Variants in ATXN7L1 observed in about 807,000 individuals in gnomAD.
ATXN7L1 encodes the protein ataxin-7-like protein 1.
Under a neutral mutation model 70.8 loss-of-function variants are expected in ATXN7L1, and 15 were observed. The ratio of observed to expected loss-of-function variants is 0.21; its 90% confidence interval spans 0.14 to 0.33. The LOEUF (loss-of-function observed/expected upper bound fraction) is 0.33. Ranked by LOEUF, ATXN7L1 falls within the 10% of genes least tolerant of loss-of-function variation. The pLI, the probability that ATXN7L1 is intolerant of heterozygous loss-of-function variation, is 1.00. For synonymous variants in ATXN7L1, 440 were observed against 445.1 expected, an observed-to-expected ratio of 0.99 and a Z score of 0.14; for missense variants, 975 against 1,097.1, an observed-to-expected ratio of 0.89 and a Z score of 1.57.
intron 3 of ATXN7L1, among the ~76,000 whole-genome samples, chr7:105,683,847 G>A (rs1399120957): frequency 6.6e-6 from 1 of 152,132 alleles, no homozygotes; most frequent in Non-Finnish European, 1.5e-5. Context: ...GTTCATCCCT[G>A]ATACAGCCGC....
At chr7:105,822,084 A>C (rs898542642) in intron 2 of ATXN7L1, among the ~76,000 whole-genome samples, 1 of 152,138 alleles carries the variant, frequency 6.6e-6, no homozygotes, top group African/African-American at 2.4e-5. Context: ...GACACACTGA[A>C]ATTCTTCAAG....
rs548836676 is a variant in ATXN7L1 at position 105,719,999 on chromosome 7, C to T, written c.356-54711G>A. ...CCAGGTGATCATATAATCCTTTAAACGTCTCTGGCCCCTTTAACTACCAAA... is the reference window on the plus strand; with the variant it reads ...CCAGGTGATCATATAATCCTTTAAATGTCTCTGGCCCCTTTAACTACCAAA... On this transcript the variant is annotated intron_variant, in intron 3 of 11. Transcript: ENST00000419735. Among the ~76,000 whole-genome samples the T allele has an allele frequency of 2.2e-4, 34 of 152,322 alleles. 1 individual carries two copies. In the South Asian group the frequency reaches 5.0e-3, roughly 22 times the overall value.
intron 3 of ATXN7L1, among the ~76,000 whole-genome samples, chr7:105,742,682 T>C (rs1798143040): frequency 6.6e-6 from 1 of 152,222 alleles, no homozygotes; most frequent in Non-Finnish European, 1.5e-5. Flanking sequence ...GCAGGCACTT[T>C]CCAAACACTG....
rs114453141 is a variant in ATXN7L1 at position 105,827,988 on chromosome 7, C to A, written c.251-39280G>T. On this transcript the variant is annotated intron_variant, in intron 2 of 11. Transcript: ENST00000419735. Reference sequence around the variant, plus strand: ...CAGACTTTGATGCCAAATGAGTGTGCCTCAAATTTAGGGGAAAAAAAACAA... The same window carrying A: ...CAGACTTTGATGCCAAATGAGTGTGACTCAAATTTAGGGGAAAAAAAACAA... 1.6e-3 allele frequency among the ~76,000 whole-genome samples: 246 copies of A among 152,214 alleles called. 1 individual carries two copies. Among genetic ancestry groups the A allele is most frequent in the African/African-American group, 5.8e-3 (240 of 41,526 alleles).
chr7:105,825,618 A>ACGTTTTTTTTTTTTTTTTTTTTTTTT (rs1554475268), intron 2 of ATXN7L1, among the ~76,000 whole-genome samples: 1 of 151,778 alleles, frequency 6.6e-6, no homozygotes, highest in South Asian at 2.1e-4. Context: ...CTCAATAAGC[A>ACGTTTTTTTTTTTTTTTTTTTTTTTT]TGTTTTTAAG....
chr7:105,740,449 A>T (rs1343953069), intron 3 of ATXN7L1, among the ~76,000 whole-genome samples: 3 of 152,198 alleles, frequency 2.0e-5, no homozygotes, highest in Admixed American at 6.5e-5. Flanking sequence ...AGTGGTTCTC[A>T]ACACTAGAAA....
intron 3 of ATXN7L1, among the ~76,000 whole-genome samples, chr7:105,776,500 C>CA (rs1300161135): frequency 6.6e-6 from 1 of 151,874 alleles, no homozygotes; most frequent in African/African-American, 2.4e-5. Context: ...ACAACCCCCC[C>CA]CCCAAAACAA....
At chr7:105,671,700 T>G (rs997462173) in intron 3 of ATXN7L1, among the ~76,000 whole-genome samples, 2 of 151,756 alleles carry the variant, frequency 1.3e-5, no homozygotes, top group Non-Finnish European at 2.9e-5. Flanking sequence ...AGTTCAAAAC[T>G]AGCTGGGTAA....
At chr7:105,752,765 G>A (rs998631428) in intron 3 of ATXN7L1, among the ~76,000 whole-genome samples, 3 of 152,096 alleles carry the variant, frequency 2.0e-5, no homozygotes, top group Non-Finnish European at 2.9e-5. Flanking sequence ...TCATTATCCT[G>A]CCTTCCTCCT....
chr7:105,636,898 T>C (rs1265932651), intron 7 of ATXN7L1, among the ~76,000 whole-genome samples: 2 of 152,090 alleles, frequency 1.3e-5, no homozygotes, highest in Admixed American at 6.5e-5. Context: ...GGAATGAAAA[T>C]GTTCGATAGC....
chr7:105,718,541 G>A (rs1031236567), intron 3 of ATXN7L1, among the ~76,000 whole-genome samples: 5 of 152,314 alleles, frequency 3.3e-5, no homozygotes, highest in African/African-American at 9.6e-5. Context: ...TGGAGGCTCC[G>A]GGGAGAGGTG....
chr7:105,813,615 G>A (rs1808762420), intron 2 of ATXN7L1, among the ~76,000 whole-genome samples: 1 of 152,100 alleles, frequency 6.6e-6, no homozygotes, highest in African/African-American at 2.4e-5. Context: ...GGGATTACAG[G>A]CATGAGCCAC....
chr7:105,792,208 G>A (rs114922234), intron 2 of ATXN7L1, among the ~76,000 whole-genome samples: 1,608 of 152,256 alleles, frequency 0.011, 36 homozygotes, highest in African/African-American at 0.037. Context: ...GGCCTTTCCC[G>A]TTGAGACTTT....
chr7:105,817,743 C>T (rs567427972), intron 2 of ATXN7L1, among the ~76,000 whole-genome samples: 5 of 152,074 alleles, frequency 3.3e-5, no homozygotes, highest in African/African-American at 4.8e-5. Context: ...ACAGCGAGAC[C>T]GCTATCTCTA....
At chr7:105,733,888 T>TCCACCCATCCACCCACCCATC (rs570136080) in intron 3 of ATXN7L1, among the ~76,000 whole-genome samples, 33 of 70,178 alleles carry the variant, frequency 4.7e-4, no homozygotes, top group Admixed American at 1.1e-3. Context: ...CCATCATCCA[T>TCCACCCATCCACCCACCCATC]CATCCATCCA....
chr7:105,639,061 C>T (rs1797777871), intron 6 of ATXN7L1, among the ~76,000 whole-genome samples: 1 of 152,106 alleles, frequency 6.6e-6, no homozygotes, highest in Non-Finnish European at 1.5e-5. Context: ...CGCCTTGGGT[C>T]AGCTGTTCCC....
At chr7:105,785,208 G>A (rs1417024597) in intron 3 of ATXN7L1, among the ~76,000 whole-genome samples, 1 of 152,246 alleles carries the variant, frequency 6.6e-6, no homozygotes, top group Non-Finnish European at 1.5e-5. Flanking sequence ...GCTCATGCCT[G>A]TAATCCCAGC....
chr7:105,655,775 C>T (rs1462588243), intron 4 of ATXN7L1, among the ~76,000 whole-genome samples: 1 of 152,204 alleles, frequency 6.6e-6, no homozygotes, highest in Non-Finnish European at 1.5e-5. Context: ...AGAGTGCTTA[C>T]ACTCCCTCAG....
intron 7 of ATXN7L1, among the ~76,000 whole-genome samples, chr7:105,633,612 C>T (rs1035205232): frequency 6.6e-6 from 1 of 151,880 alleles, no homozygotes; most frequent in African/African-American, 2.4e-5. Context: ...CCCAGCTACT[C>T]GGGAGGCTGA....
Sources: gnomAD v4.1 joint callset for allele counts (sites outside exome capture counted in the v4.1 genomes callset) on GRCh38, gnomAD v4.1.1 for gene constraint, MANE v1.5 for transcripts, NCBI Gene and HGNC (gene_info 2026-07-23, HGNC 2026-07-21) for gene names.